Variants in FHIP1A observed in about 807,000 individuals in gnomAD.
FHIP1A encodes FHF complex subunit HOOK-interacting protein 1A.
In FHIP1A, 61 loss-of-function variants were observed where a neutral mutation model predicts 88.6. The observed-to-expected ratio is 0.69, with a 90% CI of 0.56 to 0.85. The LOEUF (loss-of-function observed/expected upper bound fraction) is 0.85, where lower values mean the gene tolerates loss of function less well. FHIP1A is among the 40% of genes least tolerant of loss of function. The probability of loss-of-function intolerance (pLI) is 0.00; values close to 1 mark genes in which losing one functional copy is unlikely to be tolerated. For synonymous variants in FHIP1A, 478 were observed against 496.0 expected (o/e 0.96, Z 0.48); for missense variants, 1,154 against 1,273.5 (o/e 0.91, Z 1.43).
intron 3 of FHIP1A, among the ~76,000 whole-genome samples, chr4:151,511,545 G>C (rs933670964): frequency 1.3e-5 from 2 of 152,256 alleles, no homozygotes; most frequent in Non-Finnish European, 2.9e-5. Flanking sequence ...AGAAAGGGGT[G>C]ACAGACGGCA....
chr4:151,656,779 A>G lies in FHIP1A; in HGVS notation c.2750A>G (p.Asn917Ser), dbSNP rs1286085946. ...TGACAGGTCCTTGCATCTGTGAAAAACAAGATTGAACAGTTTGCTTCTGTG... is the reference window on the plus strand; with the variant it reads ...TGACAGGTCCTTGCATCTGTGAAAAGCAAGATTGAACAGTTTGCTTCTGTG... ...SLYQVLASVK[N>S]KIEQFASVER... Residue 917 changes from asparagine to serine, a missense_variant, in exon 13 of 14, where the codon AAC becomes AGC. Coordinates refer to ENST00000435205, the MANE Select transcript of FHIP1A (RefSeq NM_001109977.3). The surrounding 1 kb of genome is among the most constrained non-coding windows in gnomAD (Gnocchi z 4.2). The G allele has an allele frequency of 6.4e-7, 1 of 1,551,426 alleles. No homozygotes were observed. The highest frequency in any genetic ancestry group is 1.4e-5 in the African/African-American group (1 of 73,156).
chr4:151,450,368 A>G (rs998582398), intron 1 of FHIP1A, among the ~76,000 whole-genome samples: 7 of 152,136 alleles, frequency 4.6e-5, no homozygotes, highest in African/African-American at 1.4e-4. Context: ...CTTAGCACAT[A>G]TACACTATAG....
intron 1 of FHIP1A, among the ~76,000 whole-genome samples, chr4:151,443,844 G>C (rs1728499205): frequency 6.6e-6 from 1 of 151,994 alleles, no homozygotes; most frequent in Non-Finnish European, 1.5e-5. Flanking sequence ...CTTACTCCCT[G>C]CTGCCACAGT....
intron 3 of FHIP1A, among the ~76,000 whole-genome samples, chr4:151,501,157 A>G (rs1730636403): frequency 6.6e-6 from 1 of 152,208 alleles, no homozygotes; most frequent in African/African-American, 2.4e-5. Flanking sequence ...TAAACTTGCC[A>G]TATATGGAGG....
At chr4:151,480,227 C>T (rs1251896881) in intron 2 of FHIP1A, among the ~76,000 whole-genome samples, 4 of 151,980 alleles carry the variant, frequency 2.6e-5, no homozygotes, top group African/African-American at 4.8e-5. Flanking sequence ...TTGCTGCTGG[C>T]GGGATCATGA....
chr4:151,542,896 C>T (rs1032387795), intron 3 of FHIP1A, among the ~76,000 whole-genome samples: 1 of 152,190 alleles, frequency 6.6e-6, no homozygotes, highest in Non-Finnish European at 1.5e-5. Context: ...ATAAATTGGG[C>T]ATAATGCTAG....
intron 10 of FHIP1A, among the ~76,000 whole-genome samples, chr4:151,647,080 A>G (rs1384441130): frequency 6.6e-6 from 1 of 152,202 alleles, no homozygotes; most frequent in Non-Finnish European, 1.5e-5. Context: ...TATTGCTGAG[A>G]CAGAATCAGC....
intron 3 of FHIP1A, among the ~76,000 whole-genome samples, chr4:151,504,403 T>A (rs1278425615): frequency 6.6e-6 from 1 of 152,128 alleles, no homozygotes. Context: ...TTAAGCCAGT[T>A]ATTTAAGTGA....
intron 7 of FHIP1A, among the ~76,000 whole-genome samples, chr4:151,626,654 T>C (rs1392323709): frequency 6.6e-6 from 1 of 152,244 alleles, no homozygotes; most frequent in African/African-American, 2.4e-5. Context: ...AGGTAGAATG[T>C]CATTTACTGT....
At chr4:151,644,972 C>T (rs1736736312) in intron 9 of FHIP1A, among the ~76,000 whole-genome samples, 2 of 152,222 alleles carry the variant, frequency 1.3e-5, no homozygotes, top group African/African-American at 4.8e-5. Flanking sequence ...CACAGATATC[C>T]TTGTGGAAAA....
chr4:151,613,812 C>T (rs137972601), intron 7 of FHIP1A, among the ~76,000 whole-genome samples: 1 of 152,234 alleles, frequency 6.6e-6, no homozygotes, highest in East Asian at 1.9e-4. Context: ...AACTAACTCC[C>T]CAGGTGATTC....
At chr4:151,616,097 AAGCACTC>A (rs1462094208) in intron 7 of FHIP1A, among the ~76,000 whole-genome samples, 1 of 152,192 alleles carries the variant, frequency 6.6e-6, no homozygotes, top group Non-Finnish European at 1.5e-5. Context: ...CATTTCATTG[AAGCACTC>A]AGTCTAGAGT....
At chr4:151,601,682 G>C (rs1034420035) in intron 7 of FHIP1A, among the ~76,000 whole-genome samples, 8 of 151,052 alleles carry the variant, frequency 5.3e-5, no homozygotes, top group Non-Finnish European at 8.8e-5. Flanking sequence ...TTTATACAGA[G>C]TCAGGGTGTG....
chr4:151,495,548 T>A (rs954962765), intron 3 of FHIP1A, among the ~76,000 whole-genome samples: 1 of 151,086 alleles, frequency 6.6e-6, no homozygotes, highest in Admixed American at 6.6e-5. Context: ...AAGAAAGATA[T>A]TGAAGTTTTA....
intron 7 of FHIP1A, among the ~76,000 whole-genome samples, chr4:151,599,854 A>G (rs1734795723): frequency 6.6e-6 from 1 of 152,180 alleles, no homozygotes; most frequent in Non-Finnish European, 1.5e-5. Flanking sequence ...TTTGCTTATT[A>G]TAGAGACCTC....
chr4:151,430,116 T>G (rs1331650853), intron 1 of FHIP1A, among the ~76,000 whole-genome samples: 5 of 152,218 alleles, frequency 3.3e-5, no homozygotes, highest in African/African-American at 1.2e-4. Context: ...CTGTTTCTGT[T>G]AAAATCTTTC....
chr4:151,463,739 G>A (rs909793134), intron 2 of FHIP1A, among the ~76,000 whole-genome samples: 3 of 152,168 alleles, frequency 2.0e-5, no homozygotes, highest in Admixed American at 6.5e-5. Context: ...TGACAATACC[G>A]AGCATGTGGC....
intron 2 of FHIP1A, among the ~76,000 whole-genome samples, chr4:151,464,871 C>T (rs979670017): frequency 2.5e-5 from 3 of 119,080 alleles, no homozygotes; most frequent in African/African-American, 9.6e-5. Context: ...AAAGTGTGGT[C>T]CCCTGACTAG....
intron 1 of FHIP1A, among the ~76,000 whole-genome samples, chr4:151,452,936 G>GTA (rs111734450): frequency 0.11 from 15,670 of 145,952 alleles, 953 homozygotes; most frequent in African/African-American, 0.19. Context: ...ACATTGAAAC[G>GTA]TATATATATA....
Sources: allele counts gnomAD v4.1 joint callset (sites outside exome capture counted in the v4.1 genomes callset), GRCh38; gene constraint gnomAD v4.1.1; non-coding constraint Gnocchi (gnomAD v3.1); transcripts MANE v1.5; gene names NCBI Gene and HGNC (gene_info 2026-07-23, HGNC 2026-07-21).